The following FMN1 variants were observed in gnomAD, a reference collection of about 807,000 sequenced individuals.
FMN1 encodes the protein formin 1.
A neutral mutation model predicts 132.4 loss-of-function variants in FMN1; 110 were observed. The ratio of observed to expected loss-of-function variants is 0.83; its 90% CI spans 0.71 to 0.97. The LOEUF (loss-of-function observed/expected upper bound fraction) is 0.97, where lower values mean the gene tolerates loss of function less well. FMN1 is among the 50% of genes least tolerant of loss of function. The probability of loss-of-function intolerance (pLI) is 0.00; values close to 1 mark genes in which losing one functional copy is unlikely to be tolerated. For missense variants in FMN1, 1,792 were observed against 1,705.3 expected (o/e 1.05, Z -0.90); for synonymous variants, 722 against 651.7 (o/e 1.11, Z -1.64).
intron 4 of FMN1, among the ~76,000 whole-genome samples, chr15:33,121,586 T>C (rs1350595137): frequency 6.6e-6 from 1 of 152,182 alleles, no homozygotes; most frequent in Non-Finnish European, 1.5e-5. Context: ...TAGAGTGCAG[T>C]GGCGCAATCT....
chr15:33,114,503 T>G (rs2039836052), intron 4 of FMN1, among the ~76,000 whole-genome samples: 1 of 152,254 alleles, frequency 6.6e-6, no homozygotes, highest in Non-Finnish European at 1.5e-5. Context: ...CTGTTCCGTT[T>G]CAGAAACAAG....
chr15:33,092,853 G>A (rs1231186851), intron 4 of FMN1, among the ~76,000 whole-genome samples: 3 of 152,034 alleles, frequency 2.0e-5, no homozygotes, highest in East Asian at 1.9e-4. Flanking sequence ...TTTGTAACTT[G>A]TACTGAAAAA....
chr15:33,181,412 C>T (rs1595608695), intron 2 of FMN1, among the ~76,000 whole-genome samples: 1 of 152,206 alleles, frequency 6.6e-6, no homozygotes, highest in South Asian at 2.1e-4. Context: ...GCAGCCACTG[C>T]TGTTGGCGCC....
At chr15:33,160,848 C>T (rs1220766745) in intron 3 of FMN1, among the ~76,000 whole-genome samples, 1 of 152,204 alleles carries the variant, frequency 6.6e-6, no homozygotes, top group Non-Finnish European at 1.5e-5. Context: ...GACAACATTG[C>T]AGCAGTGATT....
chr15:33,002,346 C>T lies in FMN1; in HGVS notation c.2223+5668G>A, dbSNP rs142696516. On this transcript the variant is annotated intron_variant, in intron 7 of 20. Transcript: ENST00000616417. ...ACATGTAAAGCATCAACATATTTTT[C>T]CCACTCACTATCTTCCACTAGGTCT... Among the ~76,000 whole-genome samples the T allele has an allele frequency of 1.9e-3, 294 of 152,296 alleles. 1 individual carries two copies. Among genetic ancestry groups the T allele is most frequent in the African/African-American group, 5.1e-3 (212 of 41,544 alleles).
intron 3 of FMN1, among the ~76,000 whole-genome samples, chr15:33,168,915 T>C (rs1316565762): frequency 6.6e-6 from 1 of 152,234 alleles, no homozygotes; most frequent in Admixed American, 6.5e-5. Flanking sequence ...GCATAAAAAG[T>C]GGTGCCGCCT....
intron 6 of FMN1, among the ~76,000 whole-genome samples, chr15:33,009,844 T>C (rs1257103319): frequency 6.6e-6 from 1 of 152,234 alleles, no homozygotes; most frequent in Non-Finnish European, 1.5e-5. Flanking sequence ...GGAATACTAC[T>C]CAGCAATAAA....
intron 9 of FMN1, 70 bp from the exon 10 acceptor site, chr15:32,926,331 A>C (rs946108164): frequency 1.2e-6 from 1 of 833,990 alleles, no homozygotes; most frequent in South Asian, 1.8e-5. Context: ...ACGCACACCA[A>C]AAACATTAAA....
chr15:32,824,875 T>C (rs938622729), intron 17 of FMN1, among the ~76,000 whole-genome samples: 4 of 152,230 alleles, frequency 2.6e-5, no homozygotes, highest in Non-Finnish European at 5.9e-5. Context: ...TCCCCTGCTC[T>C]GCTGAACATC....
intron 6 of FMN1, among the ~76,000 whole-genome samples, chr15:33,017,875 G>A (rs2035154057): frequency 6.6e-6 from 1 of 152,152 alleles, no homozygotes; most frequent in Non-Finnish European, 1.5e-5. Flanking sequence ...GACCAGCCTG[G>A]CCAACATGGC....
intron 17 of FMN1, among the ~76,000 whole-genome samples, chr15:32,847,108 G>A (rs2141242518): frequency 6.6e-6 from 1 of 152,258 alleles, no homozygotes; most frequent in Non-Finnish European, 1.5e-5. Context: ...AAAGGGAAAT[G>A]AGGAGATTAC....
intron 19 of FMN1, among the ~76,000 whole-genome samples, chr15:32,778,169 A>G (rs1269212579): frequency 9.9e-6 from 1 of 100,770 alleles, no homozygotes; most frequent in African/African-American, 4.2e-5. Context: ...TATATATTAT[A>G]TAATACATTT....
At chr15:33,135,144 C>T (rs1163629144) in intron 4 of FMN1, among the ~76,000 whole-genome samples, 1 of 152,004 alleles carries the variant, frequency 6.6e-6, no homozygotes, top group East Asian at 1.9e-4. Flanking sequence ...TTTTGGTCTC[C>T]CAAGGAATGT....
intron 10 of FMN1, among the ~76,000 whole-genome samples, chr15:32,910,739 G>A (rs2060540741): frequency 6.6e-6 from 1 of 152,210 alleles, no homozygotes; most frequent in South Asian, 2.1e-4. Flanking sequence ...CTGAGCCTTG[G>A]CTCTGCCTTG....
chr15:33,094,092 G>C (rs1272958590), intron 4 of FMN1, among the ~76,000 whole-genome samples: 4 of 152,172 alleles, frequency 2.6e-5, no homozygotes, highest in African/African-American at 9.7e-5. Flanking sequence ...AGGGCTAAGA[G>C]AGAAGCAGAC....
At chr15:33,044,401 C>G (rs2036581897) in intron 6 of FMN1, among the ~76,000 whole-genome samples, 1 of 152,216 alleles carries the variant, frequency 6.6e-6, no homozygotes, top group South Asian at 2.1e-4. Flanking sequence ...TTTCCAGGCC[C>G]ACCTATGGCC....
chr15:33,157,401 AT>A (rs1430938089), intron 3 of FMN1, among the ~76,000 whole-genome samples: 17 of 152,206 alleles, frequency 1.1e-4, no homozygotes, highest in African/African-American at 4.1e-4. Flanking sequence ...TTATATTTTC[AT>A]TTTGTTATCT....
chr15:32,800,525 T>C (rs1045220350), intron 18 of FMN1, among the ~76,000 whole-genome samples: 1 of 152,230 alleles, frequency 6.6e-6, no homozygotes, highest in Admixed American at 6.5e-5. Context: ...TGAAAATTAT[T>C]TTGACTATAG....
intron 7 of FMN1, among the ~76,000 whole-genome samples, chr15:32,986,645 C>G (rs1032735650): frequency 6.6e-6 from 1 of 151,990 alleles, no homozygotes; most frequent in Non-Finnish European, 1.5e-5. Flanking sequence ...GTTCTGATTA[C>G]TAGATGTTTA....
Sources: gnomAD v4.1 joint callset for allele counts (sites outside exome capture counted in the v4.1 genomes callset) on GRCh38, gnomAD v4.1.1 for gene constraint, MANE v1.5 for transcripts, NCBI Gene and HGNC (gene_info 2026-07-23, HGNC 2026-07-21) for gene names.